Variants in NRM observed in about 807,000 individuals in gnomAD.
NRM encodes the protein nurim.
In NRM, 19 loss-of-function variants were observed where a neutral mutation model predicts 23.4. The observed-to-expected ratio is 0.81, with a 90% CI of 0.57 to 1.19. The LOEUF (loss-of-function observed/expected upper bound fraction) is 1.19. NRM is among the 50% of genes most tolerant of loss of function. NRM has a pLI of 0.00. For synonymous variants in NRM, 140 were observed against 143.5 expected (o/e 0.98, Z 0.17); for missense variants, 232 against 329.7 (o/e 0.70, Z 2.30).
In NRM at chr6:30,689,233, T is replaced by A; in HGVS notation, c.507+43A>T. ...ACCCTTGAAAGGGAACGAGGAGTTC[T>A]AAAATGGGTCAGAGGTCATAGGTAG... is the stretch of plus-strand genomic sequence containing the variant. On this transcript the variant is annotated intron_variant, in intron 3 of 3. Coordinates refer to ENST00000376421, the MANE Select transcript of NRM (RefSeq NM_001384369.1). This position sits in a 1 kb window ranked among gnomAD's most constrained non-coding sequence, Gnocchi z 4.7. The A allele has an allele frequency of 6.6e-7, 1 of 1,523,642 alleles. No homozygotes were observed. Among genetic ancestry groups the A allele is most frequent in the South Asian group, 1.2e-5 (1 of 81,670 alleles). 94.4% of individuals were successfully genotyped at this position (1,523,642 alleles called of 1,614,324 possible).
upstream of NRM, chr6:30,691,166 G>A: frequency 3.5e-6 from 2 of 577,842 alleles, no homozygotes; most frequent in Non-Finnish European, 6.0e-6. Context: ...GCGTGTCCCG[G>A]CCTGCTGTCT....
Position 30,689,530 on chromosome 6 carries a change from C to G in NRM, c.331-78G>C. The G allele has an allele frequency of 7.2e-7, 1 of 1,387,102 alleles. No homozygotes were observed. Among genetic ancestry groups the G allele is most frequent in the Non-Finnish European group, 9.6e-7 (1 of 1,036,316 alleles). 85.9% of individuals were successfully genotyped at this position (1,387,102 alleles called of 1,614,324 possible). ...GGGAGACCCAGACCCAGATCTGCCC[C>G]CACCACAGGCTAGCCTGCAACTCTC... On this transcript the variant is annotated intron_variant, in intron 2 of 3. Transcript: ENST00000376421. The surrounding 1 kb of genome is among the most constrained non-coding windows in gnomAD (Gnocchi z 4.7).
chr6:30,691,134 A>G (rs1198198338), upstream of NRM: 6 of 756,414 alleles, frequency 7.9e-6, no homozygotes, highest in African/African-American at 8.9e-5. Flanking sequence ...TTCCCCATCC[A>G]GCTGTGGATC....
upstream of NRM, chr6:30,691,244 T>C: frequency 2.4e-6 from 1 of 421,038 alleles, no homozygotes; most frequent in Non-Finnish European, 4.3e-6. Context: ...CTGCAGCCGC[T>C]CACGTGGGTT....
In NRM at chr6:30,688,747, C is replaced by G. The variant is rs1248385045; in HGVS notation, c.703G>C (p.Asp235His). Reference protein sequence around the residue: ...TLYLGLAHGLDQQDLRYLRAQ... With the variant: ...TLYLGLAHGLHQQDLRYLRAQ... ...CGGAGGTAGCGGAGGTCTTGCTGATCAAGCCCGTGAGCCAGGCCCAGGTAG... is the reference window on the plus strand; with the variant it reads ...CGGAGGTAGCGGAGGTCTTGCTGATGAAGCCCGTGAGCCAGGCCCAGGTAG... Residue 235 changes from aspartate (D) to histidine (H), a missense_variant, in exon 4 of 4, where the codon GAT becomes CAT. Physicochemically the swap from Asp to His is moderately conservative, Grantham distance 81. Transcript: ENST00000376421. This position sits in a 1 kb window ranked among gnomAD's most constrained non-coding sequence, Gnocchi z 5.9. 6.2e-7 allele frequency: 1 copy of G among 1,613,774 alleles called. No homozygotes were observed. The highest frequency in any genetic ancestry group is 8.5e-7 in the Non-Finnish European group (1 of 1,179,994).
chr6:30,689,325 A>C lies in NRM; in HGVS notation c.458T>G (p.Phe153Cys), dbSNP rs371757695. 6.4e-7 allele frequency: 1 copy of C among 1,555,698 alleles called. No homozygotes were observed. Among genetic ancestry groups the C allele is most frequent in the African/African-American group, 1.4e-5 (1 of 73,296 alleles). The change falls in exon 3 of 4, where the codon TTT (phenylalanine) becomes TGT (cysteine). Residue 153 changes from phenylalanine (F) to cysteine (C), a missense_variant. By Grantham distance (205) the Phe-to-Cys change is radical. Coordinates refer to ENST00000376421, the MANE Select transcript of NRM (RefSeq NM_001384369.1). The surrounding 1 kb of genome is among the most constrained non-coding windows in gnomAD (Gnocchi z 4.7). ...VLHVISWLLI[F>C]SILLVFDYAE... ...ATAGTCAAAGACGAGAAGGATGCTA[A>C]AGATGAGGAGCCAGGAGATGACATG...
rs992279923 is a variant in NRM, at chr6:30,690,505, G to C, written c.134-262C>G. 5 of 1,503,020 alleles carry C rather than the reference G, an allele frequency of 3.3e-6. No homozygotes were observed. The allele number at this position is 1,503,020 out of a possible 1,614,324, so 93.1% of individuals were successfully genotyped here. A position where few individuals can be genotyped will look rare whatever the true frequency, so the allele number is the denominator to read the frequency against. On this transcript the variant is annotated intron_variant, in intron 1 of 3. Transcript: ENST00000376421. This position sits in a 1 kb window ranked among gnomAD's most constrained non-coding sequence, Gnocchi z 5.5. ...CAAAAAGCATGGCTGGAGAGGCCAC[G>C]CTGGATTGCCCCTCTTACTTCGGTT...
At chr6:30,691,154 A>G, upstream of NRM, 1 of 625,468 alleles carries the variant, frequency 1.6e-6, no homozygotes, top group Non-Finnish European at 2.7e-6. Flanking sequence ...CCGTCCTGGG[A>G]TGCGTGTCCC....
upstream of NRM, chr6:30,691,072 G>A: frequency 7.2e-7 from 1 of 1,397,146 alleles, no homozygotes; most frequent in Non-Finnish European, 9.6e-7. Context: ...CAGCCCAGGA[G>A]GGCGGGGCTC....
rs764679283 is a variant in NRM, at chr6:30,690,921, G to C, written c.54C>G (p.Ala18=). 221 of 1,612,992 alleles carry C rather than the reference G, an allele frequency of 1.4e-4. 2 individuals carry two copies. The highest frequency in any genetic ancestry group is 1.1e-5 in the Non-Finnish European group (13 of 1,180,044). Residue 18 remains alanine (A), a synonymous_variant, in exon 1 of 4, where the codon GCC becomes GCG. Coordinates refer to ENST00000376421, the MANE Select transcript of NRM (RefSeq NM_001384369.1). The surrounding 1 kb of genome is among the most constrained non-coding windows in gnomAD (Gnocchi z 5.5). ...GCACGAACTCCACTCCGGTGCCAAA[G>C]GCCAGGATGAAAGAGGCGAGGGCAG... The part of the protein sequence containing the change: ...IPAALASFIL[A]FGTGVEFVRF...
At position 30,689,467 on chromosome 6, in the gene NRM, G is replaced by C; in HGVS notation, c.331-15C>G. 6.4e-7 allele frequency: 1 copy of C among 1,557,542 alleles called. No individual in the cohort carries two copies. Among genetic ancestry groups the C allele is most frequent in the Non-Finnish European group, 8.7e-7 (1 of 1,151,556 alleles). Reference sequence around the variant, plus strand: ...CGCATCACCAGCTGTGGAAGGATAAGGGGCTGGGTATCCCAGTGGCCTAGT... The same window carrying C: ...CGCATCACCAGCTGTGGAAGGATAACGGGCTGGGTATCCCAGTGGCCTAGT... On this transcript the variant is annotated splice_polypyrimidine_tract_variant and intron_variant, in intron 2 of 3. Coordinates refer to ENST00000376421, the MANE Select transcript of NRM (RefSeq NM_001384369.1). The surrounding 1 kb of genome is among the most constrained non-coding windows in gnomAD (Gnocchi z 4.7).
rs1411459104 is a variant in NRM, at chr6:30,689,870, CCTT to C, written c.330+174_330+176del. Among the ~76,000 whole-genome samples, 1 of 152,104 alleles carries C rather than the reference CCTT, an allele frequency of 6.6e-6. No individual in the cohort carries two copies. On this transcript the variant is annotated intron_variant, in intron 2 of 3. Transcript: ENST00000376421. This position sits in a 1 kb window ranked among gnomAD's most constrained non-coding sequence, Gnocchi z 4.7. ...TGTGCTTAGGGAAGGACAAGTACAC[CCTT>C]CTTGATAAAAAGTAGGATATGTGCT...
At position 30,690,677 on chromosome 6, in the gene NRM, A is replaced by G. The variant is rs765817170; in HGVS notation, c.133+165T>C. ...CAAAACTCTAATCCTTGAGTTCCTA[A>G]TTTAGAACTCAGGTCTCCCTCCCCT... On this transcript the variant is annotated intron_variant, in intron 1 of 3. Coordinates refer to ENST00000376421, the MANE Select transcript of NRM (RefSeq NM_001384369.1). The surrounding 1 kb of genome is among the most constrained non-coding windows in gnomAD (Gnocchi z 5.5). The G allele has an allele frequency of 6.2e-7, 1 of 1,607,152 alleles. No homozygotes were observed. Among genetic ancestry groups the G allele is most frequent in the African/African-American group, 1.3e-5 (1 of 74,578 alleles).
At position 30,689,192 on chromosome 6, in the gene NRM, G is replaced by A; in HGVS notation, c.507+84C>T. 7.5e-7 allele frequency: 1 copy of A among 1,337,566 alleles called. No individual in the cohort carries two copies. The highest frequency in any genetic ancestry group is 1.0e-6 in the Non-Finnish European group (1 of 979,850). 82.9% of individuals were successfully genotyped at this position (1,337,566 alleles called of 1,614,324 possible). On this transcript the variant is annotated intron_variant, in intron 3 of 3. Transcript: ENST00000376421. This position sits in a 1 kb window ranked among gnomAD's most constrained non-coding sequence, Gnocchi z 4.7. ...GGAGAAGCAGGGAGACAGTAGAAGA[G>A]CATGGGAGGAGGGAAACCCTTGAAA...
In NRM at chr6:30,690,704, T is replaced by C. The variant is rs576830114; in HGVS notation, c.133+138A>G. The C allele has an allele frequency of 3.8e-5, 62 of 1,610,514 alleles. No homozygotes were observed. The African/African-American group carries it at 6.9e-4, about 18-fold the overall frequency. Reference sequence around the variant, plus strand: ...TTAGAACTCAGGTCTCCCTCCCCTGTAGCTTCTCGGCCGCTTTCAAGGTTC... The same window carrying C: ...TTAGAACTCAGGTCTCCCTCCCCTGCAGCTTCTCGGCCGCTTTCAAGGTTC... On this transcript the variant is annotated intron_variant, in intron 1 of 3. Transcript: ENST00000376421. This position sits in a 1 kb window ranked among gnomAD's most constrained non-coding sequence, Gnocchi z 5.5.
Position 30,688,683 on chromosome 6 carries a change from G to A in NRM, c.767C>T (p.Pro256Leu). The change falls in exon 4 of 4, where the codon CCC becomes CTC. Residue 256 changes from proline (P) to leucine (L), a missense_variant. Transcript: ENST00000376421. The surrounding 1 kb of genome is among the most constrained non-coding windows in gnomAD (Gnocchi z 5.9). ...TCCTCACTCTGCCTCCCCATCCTGG[G>A]GCCGAGAGAGCAGGTGGAGTTTTCT... ...LQRKLHLLSR[P>L]QDGEAE is the part of the protein sequence containing the mutation. 1 of 1,613,902 alleles carries A rather than the reference G, an allele frequency of 6.2e-7. No individual in the cohort carries two copies. Among genetic ancestry groups the A allele is most frequent in the African/African-American group, 1.3e-5 (1 of 74,990 alleles).
chr6:30,690,700 C>G lies in NRM; in HGVS notation c.133+142G>C, dbSNP rs777947909. ...TAATTTAGAACTCAGGTCTCCCTCC[C>G]CTGTAGCTTCTCGGCCGCTTTCAAG... On this transcript the variant is annotated intron_variant, in intron 1 of 3. Transcript: ENST00000376421. This position sits in a 1 kb window ranked among gnomAD's most constrained non-coding sequence, Gnocchi z 5.5. 1 of 1,610,698 alleles carries G rather than the reference C, an allele frequency of 6.2e-7. No individual in the cohort carries two copies. Among genetic ancestry groups the G allele is most frequent in the Non-Finnish European group, 8.5e-7 (1 of 1,179,124 alleles).
Position 30,690,339 on chromosome 6 carries a change from C to A in NRM, c.134-96G>T. The A allele has an allele frequency of 8.4e-7, 1 of 1,195,490 alleles. No homozygotes were observed. The highest frequency in any genetic ancestry group is 2.5e-5 in the East Asian group (1 of 39,660). The allele number at this position is 1,195,490 out of a possible 1,614,324, so 74.1% of individuals were successfully genotyped here. Reference sequence around the variant, plus strand: ...CCTCTTGGATCCCCAGGCCATGTCCCTTACTGCTTTCAAGAGCCTTAATGC... The same window carrying A: ...CCTCTTGGATCCCCAGGCCATGTCCATTACTGCTTTCAAGAGCCTTAATGC... On this transcript the variant is annotated intron_variant, in intron 1 of 3. Transcript: ENST00000376421. This position sits in a 1 kb window ranked among gnomAD's most constrained non-coding sequence, Gnocchi z 5.5.
Position 30,690,966 on chromosome 6 carries a change from A to AT in NRM, c.8_9insA (p.Ala4CysfsTer80), listed in dbSNP as rs1562047329. ...GGGCAGCAGGGATCAGGAGCAGTGC[A>AT]GGGGCCATGGCGAGAAATGGAGGGG... On this transcript the variant is annotated frameshift_variant, in exon 1 of 4. Transcript: ENST00000376421. LOFTEE classifies it high-confidence loss of function. The surrounding 1 kb of genome is among the most constrained non-coding windows in gnomAD (Gnocchi z 5.5). 2.0e-6 allele frequency: 2 copies of AT among 1,014,880 alleles called. No homozygotes were observed. Among genetic ancestry groups the AT allele is most frequent in the South Asian group, 2.5e-5 (2 of 80,294 alleles). 62.9% of individuals were successfully genotyped at this position (1,014,880 alleles called of 1,614,324 possible). A position where few individuals can be genotyped will look rare whatever the true frequency, so the allele number is the denominator to read the frequency against.
Sources: gnomAD v4.1 joint callset for allele counts (sites outside exome capture counted in the v4.1 genomes callset) on GRCh38, gnomAD v4.1.1 for gene constraint, Gnocchi (gnomAD v3.1) non-coding constraint, MANE v1.5 for transcripts, NCBI Gene and HGNC (gene_info 2026-07-23, HGNC 2026-07-21) for gene names.